The following CD8B variants were observed in gnomAD, a reference collection of about 807,000 sequenced individuals.
CD8B encodes CD8 subunit beta.
A neutral mutation model predicts 24.2 loss-of-function variants in CD8B; 6 were observed. The ratio of observed to expected loss-of-function variants is 0.25; its 90% CI spans 0.14 to 0.49. The LOEUF is 0.49. CD8B is among the 20% of genes least tolerant of loss of function. The probability of loss-of-function intolerance (pLI) is 0.98; values close to 1 mark genes in which losing one functional copy is unlikely to be tolerated. For missense variants in CD8B, 196 were observed against 271.3 expected, an observed-to-expected ratio of 0.72 and a Z score of 1.95; for synonymous variants, 84 against 108.3, an observed-to-expected ratio of 0.78 and a Z score of 1.39.
chr2:86,825,017 A>G (rs1330876542), intron 5 of CD8B, among the ~76,000 whole-genome samples: 1 of 152,208 alleles, frequency 6.6e-6, no homozygotes, highest in African/African-American at 2.4e-5. Context: ...CTGAGGATGG[A>G]TCTCTTGCGT....
chr2:86,815,423 G>T, downstream of CD8B: 1 of 591,096 alleles, frequency 1.7e-6, no homozygotes. Flanking sequence ...CCACAAGGGG[G>T]ACACTTTGGG....
chr2:86,846,218 G>C (rs972947981), intron 4 of CD8B, among the ~76,000 whole-genome samples: 1 of 152,184 alleles, frequency 6.6e-6, no homozygotes, highest in Non-Finnish European at 1.5e-5. Flanking sequence ...CATCAATATC[G>C]GTGTCGTGGA....
chr2:86,826,159 C>T (rs774764490), intron 5 of CD8B, among the ~76,000 whole-genome samples: 5 of 152,008 alleles, frequency 3.3e-5, no homozygotes, highest in Admixed American at 2.6e-4. Flanking sequence ...GTGCAGGCAA[C>T]ATGAGAGTCT....
chr2:86,815,729 G>A (rs1173419258), intron 5 of CD8B: 2 of 1,415,268 alleles, frequency 1.4e-6, no homozygotes, highest in Non-Finnish European at 2.0e-6. Context: ...CTTGCAAAAA[G>A]AAAAACAAGA....
intron 2 of CD8B, 90 bp downstream of exon 2, chr2:86,857,967 T>A (rs1573528623): frequency 1.5e-6 from 2 of 1,338,114 alleles, no homozygotes; most frequent in South Asian, 2.6e-5. Context: ...GGCTGCAGAG[T>A]GGGGCACACT....
chr2:86,853,130 C>T, intron 2 of CD8B, 44 bp from the exon 3 acceptor site: 1 of 1,547,866 alleles, frequency 6.5e-7, no homozygotes, highest in South Asian at 1.2e-5. Context: ...AAGTGAACAC[C>T]ACGTGGACTC....
At chr2:86,834,467 T>TAC (rs59177290), downstream of CD8B, among the ~76,000 whole-genome samples, 4,172 of 146,144 alleles carry the variant, frequency 0.029, 67 homozygotes, top group African/African-American at 0.096. Context: ...TTTCTTCTCT[T>TAC]ACACACACAC....
intron 2 of CD8B, among the ~76,000 whole-genome samples, chr2:86,854,824 G>C (rs1323905054): frequency 1.3e-5 from 2 of 151,564 alleles, no homozygotes; most frequent in African/African-American, 4.8e-5. Flanking sequence ...AAAAAGAAAA[G>C]AAAAGAAATA....
At chr2:86,826,190 C>T (rs1279690080) in intron 5 of CD8B, among the ~76,000 whole-genome samples, 5 of 152,034 alleles carry the variant, frequency 3.3e-5, no homozygotes, top group Admixed American at 1.3e-4. Context: ...CCTAGCTCTG[C>T]CCCGGTTGTC....
chr2:86,823,850 C>T (rs747040575), intron 5 of CD8B, among the ~76,000 whole-genome samples: 4 of 151,946 alleles, frequency 2.6e-5, no homozygotes, highest in Admixed American at 6.6e-5. Context: ...TGACAGACAC[C>T]GCCCCAGGGC....
intron 3 of CD8B, among the ~76,000 whole-genome samples, chr2:86,851,571 C>T (rs1332060205): frequency 4.6e-5 from 7 of 152,142 alleles, no homozygotes; most frequent in African/African-American, 7.2e-5. Flanking sequence ...CCTCATGTGA[C>T]GGCAGCTTCC....
intron 2 of CD8B, 74 bp from the exon 3 acceptor site, chr2:86,853,160 A>G: frequency 6.5e-7 from 1 of 1,549,090 alleles, no homozygotes; most frequent in Non-Finnish European, 8.7e-7. Context: ...ACTTTGTCTT[A>G]TGGCGGGTGC....
rs1157544555 is a variant in CD8B at position 86,838,671 on chromosome 2, T to C, written c.*3636A>G. Among the ~76,000 whole-genome samples, 2 of 152,030 alleles carry C rather than the reference T, an allele frequency of 1.3e-5. No individual in the cohort carries two copies. Among genetic ancestry groups the C allele is most frequent in the African/African-American group, 4.8e-5 (2 of 41,390 alleles). On this transcript the variant is annotated 3_prime_UTR_variant, in exon 6 of 6. Coordinates refer to ENST00000390655, the MANE Select transcript of CD8B (RefSeq NM_004931.5). ...GCACCACCATGCCCAGAAAAAAATT[T>C]AAAAATTTTTTGTAGAGTCGAGGTC... is the stretch of plus-strand genomic sequence containing the variant.
At chr2:86,852,625 T>C (rs1224209482) in intron 3 of CD8B, among the ~76,000 whole-genome samples, 1 of 152,058 alleles carries the variant, frequency 6.6e-6, no homozygotes, top group Non-Finnish European at 1.5e-5. Context: ...CATTTTATTC[T>C]TTATTATGGC....
rs376387848 is a variant in CD8B, at chr2:86,843,794, G to A, written c.620+1128C>T. On this transcript the variant is annotated intron_variant, in intron 5 of 5. Transcript: ENST00000390655. ...TCACACTGACTGTGAGATTGGCACT[G>A]TTAGCTCATTTAACAGACGAGAAAT... 3.1e-5 allele frequency: 13 copies of A among 425,278 alleles called. 2 individuals carry two copies. The East Asian group carries it at 1.6e-3, about 52-fold the overall frequency. The allele number at this position is 425,278 out of a possible 1,614,324, so 26.3% of individuals were successfully genotyped here. A position where few individuals can be genotyped will look rare whatever the true frequency, so the allele number is the denominator to read the frequency against.
At chr2:86,856,510 C>G (rs575579751) in intron 2 of CD8B, among the ~76,000 whole-genome samples, 1 of 152,288 alleles carries the variant, frequency 6.6e-6, no homozygotes, top group East Asian at 1.9e-4. Flanking sequence ...CGGGGCATCA[C>G]TTTGGTTTGT....
chr2:86,842,118 G>A lies in CD8B; in HGVS notation c.*189C>T, dbSNP rs2104540553. ...ATGAAACCTTCTCCCTAGTATTCCC[G>A]ATGACCCACGAACAAGTTGCTCCCA... On this transcript the variant is annotated 3_prime_UTR_variant, in exon 6 of 6. Coordinates refer to ENST00000390655, the MANE Select transcript of CD8B (RefSeq NM_004931.5). 1.4e-6 allele frequency: 2 copies of A among 1,410,242 alleles called. No individual in the cohort carries two copies. The highest frequency in any genetic ancestry group is 1.7e-5 in the South Asian group (1 of 59,096). The allele number at this position is 1,410,242 out of a possible 1,614,324, so 87.4% of individuals were successfully genotyped here. A position where few individuals can be genotyped will look rare whatever the true frequency, so the allele number is the denominator to read the frequency against.
At chr2:86,848,086 A>T (rs1675774041) in intron 3 of CD8B, among the ~76,000 whole-genome samples, 1 of 152,152 alleles carries the variant, frequency 6.6e-6, no homozygotes, top group Non-Finnish European at 1.5e-5. Flanking sequence ...ATAACTCTGC[A>T]GAAAACAACC....
In CD8B at chr2:86,847,745, T is replaced by A. The variant is rs1362858385; in HGVS notation, c.494-972A>T. Among the ~76,000 whole-genome samples, 3 of 152,298 alleles carry A rather than the reference T, an allele frequency of 2.0e-5. No individual in the cohort carries two copies. The East Asian group carries it at 5.8e-4, about 29-fold the overall frequency. ...CATGCCTGGCTAATTTTTGTATTTT[T>A]AGTAGAGACGGGGTTTCACCACGTT... On this transcript the variant is annotated intron_variant, in intron 3 of 5. Coordinates refer to ENST00000390655, the MANE Select transcript of CD8B (RefSeq NM_004931.5).
Sources: gnomAD v4.1 joint callset for allele counts (sites outside exome capture counted in the v4.1 genomes callset) on GRCh38, gnomAD v4.1.1 for gene constraint, MANE v1.5 for transcripts, NCBI Gene and HGNC (gene_info 2026-07-23, HGNC 2026-07-21) for gene names.